The following CEP57L1 variants were observed in gnomAD, a reference collection of about 807,000 sequenced individuals.
CEP57L1 encodes centrosomal protein 57 like 1.
A neutral mutation model predicts 61.0 loss-of-function variants in CEP57L1; 37 were observed. That is an observed-to-expected ratio of 0.61 (90% CI 0.47 to 0.80). The LOEUF is 0.80. Among genes scored for constraint, CEP57L1 ranks in the 30% least tolerant of loss-of-function variants. The pLI is 0.00. For missense variants in CEP57L1, 422 were observed against 524.7 expected (o/e 0.80, Z 1.91); for synonymous variants, 137 against 162.3 (o/e 0.84, Z 1.19).
intron 1 of CEP57L1, among the ~76,000 whole-genome samples, chr6:109,111,364 A>G (rs1228534953): frequency 2.0e-5 from 3 of 152,122 alleles, no homozygotes; most frequent in Admixed American, 2.0e-4. Flanking sequence ...ATTTTTGTGC[A>G]TTGATTTTGT....
At chr6:109,114,982 TG>T (rs527278072) in intron 1 of CEP57L1, among the ~76,000 whole-genome samples, 2 of 152,144 alleles carry the variant, frequency 1.3e-5, no homozygotes, top group Non-Finnish European at 2.9e-5. Context: ...AATTATTATT[TG>T]CCAATTAAAA....
chr6:109,113,962 C>T (rs1017559274), intron 1 of CEP57L1, among the ~76,000 whole-genome samples: 8 of 152,040 alleles, frequency 5.3e-5, no homozygotes, highest in African/African-American at 1.9e-4. Context: ...TAAATGGACA[C>T]TTAGGTTGTT....
In CEP57L1 at chr6:109,167,641, C is replaced by T. The variant is rs187612156; in HGVS notation, c.*4671C>T. ...GCGGTGAGCCGAGATTGTGCCACTG[C>T]ACTCCAGCCTGGGCAACAGAGCAAG... On this transcript the variant is annotated 3_prime_UTR_variant, in exon 11 of 11. Transcript: ENST00000517392. 1.3e-3 allele frequency among the ~76,000 whole-genome samples: 201 copies of T among 151,186 alleles called. No individual in the cohort carries two copies. The highest frequency in any genetic ancestry group is 4.7e-3 in the African/African-American group (193 of 41,010).
Position 109,167,569 on chromosome 6 carries a change from C to T in CEP57L1, c.*4599C>T, listed in dbSNP as rs1356179974. On this transcript the variant is annotated 3_prime_UTR_variant, in exon 11 of 11. Coordinates refer to ENST00000517392, the MANE Select transcript of CEP57L1 (RefSeq NM_001271852.3). ...TGTGGTAGCATGCAGTCCAGCTACTCGGGAGGCTGAGGCAGGATAATTGCT... is the reference window on the plus strand; with the variant it reads ...TGTGGTAGCATGCAGTCCAGCTACTTGGGAGGCTGAGGCAGGATAATTGCT... Among the ~76,000 whole-genome samples, 2 of 151,662 alleles carry T rather than the reference C, an allele frequency of 1.3e-5. No homozygotes were observed. Among genetic ancestry groups the T allele is most frequent in the African/African-American group, 4.8e-5 (2 of 41,242 alleles).
intron 1 of CEP57L1, among the ~76,000 whole-genome samples, chr6:109,101,660 G>A (rs1454507603): frequency 7.1e-6 from 1 of 141,454 alleles, no homozygotes; most frequent in African/African-American, 2.7e-5. Flanking sequence ...TCACTCTTTC[G>A]CACAGGCTGG....
chr6:109,134,502 C>T (rs1406799345), intron 1 of CEP57L1, among the ~76,000 whole-genome samples: 1 of 152,130 alleles, frequency 6.6e-6, no homozygotes, highest in Non-Finnish European at 1.5e-5. Context: ...AAAACTGGCA[C>T]AAGACAGGGA....
intron 4 of CEP57L1, among the ~76,000 whole-genome samples, chr6:109,152,799 A>G (rs144028175): frequency 5.3e-5 from 8 of 152,110 alleles, no homozygotes; most frequent in African/African-American, 1.9e-4. Context: ...ACTATTTAAT[A>G]CAGGTTTTAT....
Position 109,152,471 on chromosome 6 carries a change from C to T in CEP57L1, c.463-1362C>T, listed in dbSNP as rs1019715835. Among the ~76,000 whole-genome samples, 3 of 152,150 alleles carry T rather than the reference C, an allele frequency of 2.0e-5. No individual in the cohort carries two copies. The East Asian group carries it at 5.8e-4, about 29-fold the overall frequency. On this transcript the variant is annotated intron_variant, in intron 4 of 10. Coordinates refer to ENST00000517392, the MANE Select transcript of CEP57L1 (RefSeq NM_001271852.3). Reference sequence around the variant, plus strand: ...GTGCTGGGATTACAGGCGTGAGCCACCACGCCCGGCCTAGACTTTATCTTT... The same window carrying T: ...GTGCTGGGATTACAGGCGTGAGCCATCACGCCCGGCCTAGACTTTATCTTT...
intron 10 of CEP57L1, among the ~76,000 whole-genome samples, chr6:109,161,594 G>A (rs1773723475): frequency 6.6e-6 from 1 of 152,058 alleles, no homozygotes; most frequent in African/African-American, 2.4e-5. Flanking sequence ...AAAGAAAGAA[G>A]TGAAATTTTT....
rs559595955 is a variant in CEP57L1 at position 109,174,225 on chromosome 6, A to G, written c.*11255A>G. Among the ~76,000 whole-genome samples the G allele has an allele frequency of 2.0e-5, 3 of 152,214 alleles. No homozygotes were observed. The South Asian group carries it at 6.2e-4, about 32-fold the overall frequency. Reference sequence around the variant, plus strand: ...TTACTCTTTTCTTTTGAGAAGGGAGAGAGTATGTTATGCACTGAGAACTTT... The same window carrying G: ...TTACTCTTTTCTTTTGAGAAGGGAGGGAGTATGTTATGCACTGAGAACTTT... On this transcript the variant is annotated 3_prime_UTR_variant, in exon 11 of 11. Transcript: ENST00000517392.
At chr6:109,152,632 CGTGCGTGTGTGTGT>C (rs1562132216) in intron 4 of CEP57L1, among the ~76,000 whole-genome samples, 1 of 104,070 alleles carries the variant, frequency 9.6e-6, no homozygotes, top group Non-Finnish European at 1.9e-5. Context: ...TATAGATGTG[CGTGCGTGTGTGTGT>C]GTGTGTGTGT....
Position 109,165,213 on chromosome 6 carries a change from C to G in CEP57L1, c.*2243C>G, listed in dbSNP as rs1264793098. Among the ~76,000 whole-genome samples the G allele has an allele frequency of 6.6e-6, 1 of 152,072 alleles. No individual in the cohort carries two copies. The highest frequency in any genetic ancestry group is 1.5e-5 in the Non-Finnish European group (1 of 68,014). ...AAACTTGGTTTCAAATTCTGGGACT[C>G]TACCATTTAATAGCTTGGACAAGTC... is the stretch of plus-strand genomic sequence containing the variant. On this transcript the variant is annotated 3_prime_UTR_variant, in exon 11 of 11. Transcript: ENST00000517392.
intron 3 of CEP57L1, 117 bp downstream of exon 3, chr6:109,147,054 T>C (rs975378581): frequency 3.9e-6 from 3 of 779,132 alleles, no homozygotes; most frequent in African/African-American, 1.9e-5. Context: ...ATATTCAAAC[T>C]TCATGACTTT....
intron 1 of CEP57L1, among the ~76,000 whole-genome samples, chr6:109,095,871 T>C (rs1025281080): frequency 3.3e-5 from 5 of 152,162 alleles, no homozygotes; most frequent in African/African-American, 1.2e-4. Context: ...CCGCCCTTTT[T>C]TGTGGACACA....
chr6:109,149,768 A>G (rs1198347604), intron 3 of CEP57L1, among the ~76,000 whole-genome samples: 3 of 152,094 alleles, frequency 2.0e-5, no homozygotes, highest in African/African-American at 7.2e-5. Flanking sequence ...ATGTTCTTCC[A>G]TTTGTTTGTA....
intron 1 of CEP57L1, among the ~76,000 whole-genome samples, chr6:109,110,760 C>CGT (rs1771508991): frequency 6.6e-6 from 1 of 152,188 alleles, no homozygotes; most frequent in African/African-American, 2.4e-5. Flanking sequence ...CCAGTTTTCC[C>CGT]AGCACCATTT....
intron 1 of CEP57L1, among the ~76,000 whole-genome samples, chr6:109,133,429 G>T (rs1178577181): frequency 6.6e-6 from 1 of 152,152 alleles, no homozygotes; most frequent in Non-Finnish European, 1.5e-5. Context: ...AGGAGGTAAT[G>T]CTCGCTGACC....
At chr6:109,114,750 G>A (rs985071108) in intron 1 of CEP57L1, among the ~76,000 whole-genome samples, 2 of 151,960 alleles carry the variant, frequency 1.3e-5, no homozygotes, top group Admixed American at 1.3e-4. Context: ...TGATCAATGG[G>A]GTACAAAGTT....
At chr6:109,143,002 T>A (rs960487488) in intron 1 of CEP57L1, among the ~76,000 whole-genome samples, 6 of 106,456 alleles carry the variant, frequency 5.6e-5, no homozygotes, top group Non-Finnish European at 1.2e-4. Context: ...TCTCTCTCTC[T>A]CTCACTGAAT....
Sources: allele counts gnomAD v4.1 joint callset (sites outside exome capture counted in the v4.1 genomes callset), GRCh38; gene constraint gnomAD v4.1.1; transcripts MANE v1.5; gene names NCBI Gene and HGNC (gene_info 2026-07-23, HGNC 2026-07-21).